TLE1: variants seen among roughly 807,000 people sequenced by gnomAD.
TLE1 encodes transducin-like enhancer protein 1.
TLE1 carries 21 observed loss-of-function variants against 89.8 expected under a neutral mutation model. The ratio of observed to expected loss-of-function variants is 0.23; its 90% confidence interval spans 0.17 to 0.34. The LOEUF (loss-of-function observed/expected upper bound fraction) is 0.34. Among genes scored for constraint, TLE1 ranks in the 10% least tolerant of loss-of-function variants. The pLI, the probability that TLE1 is intolerant of heterozygous loss-of-function variation, is 1.00. For synonymous variants in TLE1, 447 were observed against 407.6 expected, an observed-to-expected ratio of 1.10 and a Z score of -1.16; for missense variants, 795 against 1,031.2, an observed-to-expected ratio of 0.77 and a Z score of 3.14.
Position 81,634,161 on chromosome 9 carries a change from C to T in TLE1, c.513G>A (p.Leu171=). 1 of 1,602,754 alleles carries T rather than the reference C, an allele frequency of 6.2e-7. No homozygotes were observed. Among genetic ancestry groups the T allele is most frequent in the Non-Finnish European group, 8.5e-7 (1 of 1,173,516 alleles). The change falls in exon 7 of 20, where the codon CTG becomes CTA. Residue 171 remains leucine (L), a synonymous_variant. Coordinates refer to ENST00000376499, the MANE Select transcript of TLE1 (RefSeq NM_005077.5). ...SAGLLALSSA[L]SGQSHLAIKD... is the part of the protein sequence containing the mutation. ...TTATTGCCAAGTGAGACTGCCCACT[C>T]AGAGCACTAGACAGCGCAAGAAGGC...
intron 11 of TLE1, among the ~76,000 whole-genome samples, chr9:81,613,790 C>T (rs1824020636): frequency 6.6e-6 from 1 of 152,148 alleles, no homozygotes; most frequent in Admixed American, 6.5e-5. Flanking sequence ...TTTCCATCAG[C>T]CTTGTGGACT....
intron 17 of TLE1, 85 bp from the exon 18 acceptor site, chr9:81,585,740 C>A (rs1828312692): frequency 1.3e-6 from 2 of 1,513,746 alleles, no homozygotes; most frequent in East Asian, 2.4e-5. Flanking sequence ...GGGGAAATAG[C>A]AAGAATGGGG....
intron 6 of TLE1, among the ~76,000 whole-genome samples, chr9:81,648,224 G>A (rs962977722): frequency 7.2e-6 from 1 of 139,528 alleles, no homozygotes; most frequent in Non-Finnish European, 1.5e-5. Flanking sequence ...AGTGAGCCGA[G>A]ATCACACCAC....
At chr9:81,687,937 T>C (rs1644772780) in intron 1 of TLE1, among the ~76,000 whole-genome samples, 1 of 151,236 alleles carries the variant, frequency 6.6e-6, no homozygotes, top group South Asian at 2.1e-4. Context: ...TCGGGGAAGG[T>C]AGAGGGGATA....
chr9:81,672,763 CGAAA>C (rs1268553155), intron 4 of TLE1, among the ~76,000 whole-genome samples: 2 of 152,118 alleles, frequency 1.3e-5, no homozygotes, highest in East Asian at 3.9e-4. Context: ...ATGTTACATT[CGAAA>C]GAAAAACTCT....
intron 4 of TLE1, 101 bp downstream of exon 4, chr9:81,685,562 GAAAAATAGCATAC>G: frequency 9.5e-7 from 1 of 1,057,284 alleles, no homozygotes; most frequent in Non-Finnish European, 1.4e-6. Context: ...AACCAAGGCA[GAAAAATAGCATAC>G]AAACCCCCAC....
At position 81,688,367 on chromosome 9, in the gene TLE1, A is replaced by T; in HGVS notation, c.-127T>A. The T allele has an allele frequency of 9.1e-7, 1 of 1,093,312 alleles. No individual in the cohort carries two copies. The highest frequency in any genetic ancestry group is 3.3e-5 in the East Asian group (1 of 30,582). The allele number at this position is 1,093,312 out of a possible 1,614,324, so 67.7% of individuals were successfully genotyped here. A position where few individuals can be genotyped will look rare whatever the true frequency, so the allele number is the denominator to read the frequency against. ...GAAGCGGGGAGCGCGCTGGCCACGC[A>T]CGCGCGCTCCGCCGGGCGCACCGGC... On this transcript the variant is annotated 5_prime_UTR_variant, in exon 1 of 20. Transcript: ENST00000376499.
At chr9:81,605,935 A>C (rs1831596702) in intron 14 of TLE1, among the ~76,000 whole-genome samples, 2 of 152,326 alleles carry the variant, frequency 1.3e-5, no homozygotes, top group African/African-American at 4.8e-5. Flanking sequence ...CAAGAAAAAA[A>C]CAACCCCATC....
intron 6 of TLE1, among the ~76,000 whole-genome samples, chr9:81,637,644 CTTTTTTTTT>C (rs11375860): frequency 1.4e-5 from 2 of 138,688 alleles, no homozygotes; most frequent in African/African-American, 5.4e-5. Context: ...ATGAAAGTTT[CTTTTTTTTT>C]TTTTTTTTTA....
intron 8 of TLE1, among the ~76,000 whole-genome samples, chr9:81,626,354 C>T (rs2132257541): frequency 6.6e-6 from 1 of 151,170 alleles, no homozygotes; most frequent in South Asian, 2.1e-4. Flanking sequence ...CGCACCCCAT[C>T]ACATCTGTGT....
chr9:81,636,675 C>G (rs1827402795), intron 6 of TLE1, among the ~76,000 whole-genome samples: 1 of 152,000 alleles, frequency 6.6e-6, no homozygotes, highest in Non-Finnish European at 1.5e-5. Context: ...TTATGTCAGA[C>G]CAAACATACT....
rs906718497 is a variant in TLE1 at position 81,688,453 on chromosome 9, G to A, written c.-213C>T. 1.0e-5 allele frequency: 5 copies of A among 481,996 alleles called. No individual in the cohort carries two copies. The highest frequency in any genetic ancestry group is 6.2e-5 in the African/African-American group (3 of 48,504). The allele number at this position is 481,996 out of a possible 1,614,324, so 29.9% of individuals were successfully genotyped here. A position where few individuals can be genotyped will look rare whatever the true frequency, so the allele number is the denominator to read the frequency against. On this transcript the variant is annotated 5_prime_UTR_variant, in exon 1 of 20. Transcript: ENST00000376499. Reference sequence around the variant, plus strand: ...CGTCGGTGCGGGCTCCGGCCCTCAGGGCCACATTAGTGGGCGCCCCAGGCC... The same window carrying A: ...CGTCGGTGCGGGCTCCGGCCCTCAGAGCCACATTAGTGGGCGCCCCAGGCC...
intron 4 of TLE1, among the ~76,000 whole-genome samples, chr9:81,669,290 T>G (rs1831904165): frequency 6.6e-6 from 1 of 152,192 alleles, no homozygotes; most frequent in African/African-American, 2.4e-5. Flanking sequence ...CAGACCAATT[T>G]TCATCTCCAT....
chr9:81,647,618 G>A (rs574630901), intron 6 of TLE1, among the ~76,000 whole-genome samples: 2 of 152,246 alleles, frequency 1.3e-5, no homozygotes, highest in South Asian at 4.1e-4. Flanking sequence ...AAGCACTTAG[G>A]GAAACCAGGC....
intron 4 of TLE1, among the ~76,000 whole-genome samples, chr9:81,657,831 T>TA (rs1222695533): frequency 6.6e-6 from 1 of 151,628 alleles, no homozygotes; most frequent in Admixed American, 6.6e-5. Context: ...ATGTAAATCC[T>TA]AGGTAAATGG....
intron 2 of TLE1, among the ~76,000 whole-genome samples, chr9:81,686,441 T>A (rs1015156722): frequency 6.6e-6 from 1 of 152,176 alleles, no homozygotes; most frequent in Non-Finnish European, 1.5e-5. Context: ...GTAAACACGG[T>A]GTGTGCAAGT....
At chr9:81,667,704 G>A (rs530676225) in intron 4 of TLE1, among the ~76,000 whole-genome samples, 2 of 145,994 alleles carry the variant, frequency 1.4e-5, no homozygotes, top group East Asian at 2.4e-4. Flanking sequence ...CAGCCCTTGA[G>A]CTGTATTCCT....
intron 8 of TLE1, among the ~76,000 whole-genome samples, chr9:81,624,777 T>G (rs1186321391): frequency 6.6e-6 from 1 of 152,028 alleles, no homozygotes; most frequent in East Asian, 1.9e-4. Flanking sequence ...CATTTAAAAT[T>G]AAAAAAATAA....
intron 14 of TLE1, among the ~76,000 whole-genome samples, chr9:81,593,753 AC>A (rs1332331387): frequency 1.3e-5 from 2 of 152,214 alleles, no homozygotes; most frequent in Non-Finnish European, 2.9e-5. Context: ...CTCCAAAAAA[AC>A]AGCTTTCTAA....
Sources: gnomAD v4.1 joint callset for allele counts (sites outside exome capture counted in the v4.1 genomes callset) on GRCh38, gnomAD v4.1.1 for gene constraint, MANE v1.5 for transcripts, NCBI Gene and HGNC (gene_info 2026-07-23, HGNC 2026-07-21) for gene names.